Variants in MDC1 observed in about 807,000 individuals in gnomAD.
MDC1 encodes mediator of DNA damage checkpoint protein 1.
MDC1 carries 81 observed loss-of-function variants against 142.5 expected under a neutral mutation model. The ratio of observed to expected loss-of-function variants is 0.57; its 90% CI spans 0.47 to 0.68. The LOEUF (loss-of-function observed/expected upper bound fraction) is 0.68, where lower values mean the gene tolerates loss of function less well. Ranked by LOEUF, MDC1 falls within the 30% of genes least tolerant of loss-of-function variation. The pLI is 0.00. For missense variants in MDC1, 2,119 were observed against 2,547.9 expected (o/e 0.83, Z 3.62); for synonymous variants, 797 against 968.4 (o/e 0.82, Z 3.29).
intron 7 of MDC1, among the ~76,000 whole-genome samples, chr6:30,710,455 T>A (rs1456013018): frequency 6.6e-6 from 1 of 151,492 alleles, no homozygotes; most frequent in Non-Finnish European, 1.5e-5. Flanking sequence ...CAGAGTGCGA[T>A]GGCACAATCT....
rs1218040937 is a variant in MDC1, at chr6:30,702,791, T to C, written c.5952A>G (p.Gln1984=). ...GCTCCCGAGCCCTGCTCAGTGCGTC[T>C]TGAAGGCTAAAGCCAAAGTTCTTCT... ...EQEKNFGFSL[Q]DALSRARERR... The change falls in exon 13 of 15, where the codon CAA becomes CAG. Residue 1984 remains glutamine (Q), a synonymous_variant. Coordinates refer to ENST00000376406, the MANE Select transcript of MDC1 (RefSeq NM_014641.3). 1.2e-6 allele frequency: 2 copies of C among 1,613,046 alleles called. No homozygotes were observed. Among genetic ancestry groups the C allele is most frequent in the African/African-American group, 1.3e-5 (1 of 74,934 alleles).
chr6:30,708,269 C>G lies in MDC1; in HGVS notation c.2310G>C (p.Thr770=), dbSNP rs28986466. 38,782 of 1,612,870 alleles carry G rather than the reference C, an allele frequency of 0.024. 938 individuals carry two copies. Among genetic ancestry groups the G allele is most frequent in the Middle Eastern group, 0.094 (572 of 6,062 alleles). The stretch of plus-strand genomic sequence containing the variant: ...GGCAAGGTCCATAGGCCTCAAGGTG[C>G]GTGTCAAAAGGCTGGGTCTCAGAGT... ...SEDSETQPFD[T]HLEAYGPCLS... is the part of the protein sequence containing the mutation. Residue 770 remains threonine (T), a synonymous_variant, in exon 8 of 15, where the codon ACG becomes ACC. Coordinates refer to ENST00000376406, the MANE Select transcript of MDC1 (RefSeq NM_014641.3).
chr6:30,705,248 C>A lies in MDC1; in HGVS notation c.3935G>T (p.Ser1312Ile). The A allele has an allele frequency of 6.2e-7, 1 of 1,600,420 alleles. No homozygotes were observed. The highest frequency in any genetic ancestry group is 8.5e-7 in the Non-Finnish European group (1 of 1,174,674). The change falls in exon 10 of 15, where the codon AGC becomes ATC. Residue 1312 changes from serine to isoleucine, a missense_variant. By Grantham distance (142) the Ser-to-Ile change is moderately radical. Transcript: ENST00000376406. ...CTTGACAGAGGACATATTTGTCCTG[C>A]TCCTAGTGGTCCGAGATGTGGGCTT... ...TPKPTSRTTR[S>I]RTNMSSVKTP... is the part of the protein sequence containing the mutation.
chr6:30,711,340 C>T lies in MDC1; in HGVS notation c.2221+72G>A, dbSNP rs1774849298. On this transcript the variant is annotated intron_variant, in intron 7 of 14. Transcript: ENST00000376406. The stretch of plus-strand genomic sequence containing the variant: ...GAGCCGAGACTGCACCACTGTAATC[C>T]AGCCTGAGTGACAGAGGAAAAAAAA... 17 of 1,386,900 alleles carry T rather than the reference C, an allele frequency of 1.2e-5. No homozygotes were observed. The South Asian group carries it at 1.9e-4, about 15-fold the overall frequency. The allele number at this position is 1,386,900 out of a possible 1,614,324, so 85.9% of individuals were successfully genotyped here.
At position 30,705,630 on chromosome 6, in the gene MDC1, G is replaced by T. The variant is rs140112679; in HGVS notation, c.3553C>A (p.Gln1185Lys). ...DQPVTSEPTS[Q>K]VTRGRKSRSS... ...CTACTTTTTCTTCCCCTAGTAACCT[G>T]AGATGTGGGCTCAGAGGTGACAGGC... Residue 1185 changes from glutamine to lysine, a missense_variant, in exon 10 of 15, where the codon CAG becomes AAG. Physicochemically the swap from Gln to Lys is moderately conservative, Grantham distance 53. Transcript: ENST00000376406. The T allele has an allele frequency of 6.9e-6, 11 of 1,604,752 alleles. No homozygotes were observed. In the African/African-American group the frequency reaches 1.5e-4, roughly 22 times the overall value.
At chr6:30,710,380 T>C (rs191571854) in intron 7 of MDC1, among the ~76,000 whole-genome samples, 42 of 152,220 alleles carry the variant, frequency 2.8e-4, no homozygotes, top group Non-Finnish European at 5.1e-4. Context: ...TGAGGCACTG[T>C]GCCCGGCCTA....
At position 30,700,017 on chromosome 6, in the gene MDC1, T is replaced by C. The variant is rs926592670; in HGVS notation, c.*448A>G. 12 of 230,010 alleles carry C rather than the reference T, an allele frequency of 5.2e-5. 1 individual carries two copies. Among genetic ancestry groups the C allele is most frequent in the Admixed American group, 2.8e-4 (5 of 17,780 alleles). The allele number at this position is 230,010 out of a possible 1,614,324, so 14.2% of individuals were successfully genotyped here. ...CACTCCAAGCATCCCTTCAAGTTCC[T>C]GACCCCAAAGTAAGAATCTCAGTAA... On this transcript the variant is annotated 3_prime_UTR_variant, in exon 15 of 15. Coordinates refer to ENST00000376406, the MANE Select transcript of MDC1 (RefSeq NM_014641.3).
Position 30,700,584 on chromosome 6 carries a change from T to A in MDC1, c.6151A>T (p.Ile2051Phe). 6.2e-7 allele frequency: 1 copy of A among 1,612,900 alleles called. No homozygotes were observed. The highest frequency in any genetic ancestry group is 2.2e-5 in the East Asian group (1 of 44,884). Reference protein sequence around the residue: ...TCPQDFPHCSIPLRVGLPLLS... With the variant: ...TCPQDFPHCSFPLRVGLPLLS... ...AGGGGCAGCCCAACCCGTAGTGGAA[T>A]GGAGCAATGAGGGAAGTCCTGAGGG... The change falls in exon 15 of 15, where the codon ATT (isoleucine) becomes TTT (phenylalanine). Residue 2051 changes from isoleucine (I) to phenylalanine (F), a missense_variant. Ile to Phe is a conservative substitution (Grantham distance 21). Transcript: ENST00000376406.
chr6:30,711,086 G>T (rs1283119645), intron 7 of MDC1, among the ~76,000 whole-genome samples: 1 of 152,216 alleles, frequency 6.6e-6, no homozygotes, highest in Non-Finnish European at 1.5e-5. Context: ...AATCAAGAAA[G>T]AACGCAGGCC....
intron 14 of MDC1, among the ~76,000 whole-genome samples, chr6:30,700,943 G>A (rs116666794): frequency 0.019 from 2,821 of 150,870 alleles, 37 homozygotes; most frequent in South Asian, 0.063. Flanking sequence ...CGCGCTGACG[G>A]GTGCCTGTCG....
Position 30,716,053 on chromosome 6 carries a change from C to A in MDC1, c.-3-875G>T. ...GAACTTCACATCTTGTAACGCCTAC[C>A]CCTCGCCCGCAAAAGCCTATGGTTC... On this transcript the variant is annotated intron_variant, in intron 1 of 14. Transcript: ENST00000376406. The surrounding 1 kb of genome is among the most constrained non-coding windows in gnomAD (Gnocchi z 4.4). 6.6e-6 allele frequency among the ~76,000 whole-genome samples: 1 copy of A among 152,112 alleles called. No homozygotes were observed. The highest frequency in any genetic ancestry group is 6.5e-5 in the Admixed American group (1 of 15,278).
Position 30,705,324 on chromosome 6 carries a change from T to C in MDC1, c.3859A>G (p.Thr1287Ala), listed in dbSNP as rs1773586471. ...GTGGAAGGCCGGAGCTCAGGGGCTG[T>C]GGGCACAACTGGTTCAGGGGTCTTG... The part of the protein sequence containing the change: ...SVKTPEPVVP[T>A]APELRPSTST... The change falls in exon 10 of 15, where the codon ACA (threonine) becomes GCA (alanine). Residue 1287 changes from threonine to alanine, a missense_variant. By Grantham distance (58) the Thr-to-Ala change is moderately conservative (BLOSUM62 0). Transcript: ENST00000376406. The C allele has an allele frequency of 1.2e-6, 2 of 1,603,180 alleles. No homozygotes were observed. The highest frequency in any genetic ancestry group is 2.7e-5 in the African/African-American group (2 of 73,998).
At chr6:30,701,935 A>T (rs1772768176) in intron 14 of MDC1, among the ~76,000 whole-genome samples, 1 of 152,152 alleles carries the variant, frequency 6.6e-6, no homozygotes, top group East Asian at 1.9e-4. Flanking sequence ...GAATAAAGAA[A>T]AATAAAAAGA....
In MDC1 at chr6:30,700,399, C is replaced by A. The variant is rs1203472947; in HGVS notation, c.*66G>T. 5 of 1,537,240 alleles carry A rather than the reference C, an allele frequency of 3.3e-6. No homozygotes were observed. Among genetic ancestry groups the A allele is most frequent in the Non-Finnish European group, 4.4e-6 (5 of 1,127,964 alleles). On this transcript the variant is annotated 3_prime_UTR_variant, in exon 15 of 15. Coordinates refer to ENST00000376406, the MANE Select transcript of MDC1 (RefSeq NM_014641.3). ...CAATATACCCCAATCCTTTCTAACG[C>A]CCTGAGTTCTTTCTTCCACATATCT...
chr6:30,714,952 C>T (rs1374952200), intron 2 of MDC1, 88 bp downstream of exon 2: 2 of 1,466,140 alleles, frequency 1.4e-6, no homozygotes, highest in Non-Finnish European at 1.9e-6. Context: ...CTCATTGAAA[C>T]ATACATAAGC....
At chr6:30,707,483 T>G (rs1480150855) in intron 8 of MDC1, 29 bp from the exon 9 acceptor site, 1 of 1,613,086 alleles carries the variant, frequency 6.2e-7, no homozygotes, top group South Asian at 1.1e-5. Flanking sequence ...CAAAGGTGGC[T>G]GAGTTCCAAG....
Position 30,715,121 on chromosome 6 carries a change from GCT to G in MDC1, c.53_54del (p.Glu18AlafsTer4). On this transcript the variant is annotated frameshift_variant, in exon 2 of 15. Transcript: ENST00000376406. LOFTEE classifies it high-confidence loss of function. This position sits in a 1 kb window ranked among gnomAD's most constrained non-coding sequence, Gnocchi z 4.1. ...TTACACCTCAAGGATTCACTGGATT[GCT>G]CTGTCTCCTCCTCTTCTTCAACATC... ...DWDVEEEEET[E>X]QSSESLRCNV... The G allele has an allele frequency of 1.9e-6, 3 of 1,614,140 alleles. No individual in the cohort carries two copies. The highest frequency in any genetic ancestry group is 2.5e-6 in the Non-Finnish European group (3 of 1,180,012).
chr6:30,702,280 A>AAAG (rs1562073140), intron 14 of MDC1, among the ~76,000 whole-genome samples: 3 of 132,570 alleles, frequency 2.3e-5, no homozygotes, highest in Admixed American at 8.1e-5. Flanking sequence ...AAAAAAAAAA[A>AAAG]AGAAAATCAA....
intron 14 of MDC1, 126 bp downstream of exon 14, chr6:30,702,427 C>T (rs1251337742): frequency 1.4e-6 from 1 of 690,200 alleles, no homozygotes; most frequent in Non-Finnish European, 2.3e-6. Context: ...GGTCTTTTCC[C>T]CCACCCTCTC....
Sources: gnomAD v4.1 joint callset for allele counts (sites outside exome capture counted in the v4.1 genomes callset) on GRCh38, gnomAD v4.1.1 for gene constraint, Gnocchi (gnomAD v3.1) non-coding constraint, MANE v1.5 for transcripts, NCBI Gene and HGNC (gene_info 2026-07-23, HGNC 2026-07-21) for gene names.